The following PXDC1 variants were observed in gnomAD, a reference collection of about 807,000 sequenced individuals.
The protein encoded by PXDC1 is PX domain-containing protein 1.
A neutral mutation model predicts 24.4 loss-of-function variants in PXDC1; 13 were observed. That is an observed-to-expected ratio of 0.53 (90% CI 0.35 to 0.85). The LOEUF is 0.85. PXDC1 is among the 40% of genes least tolerant of loss of function. PXDC1 has a pLI of 0.01. For synonymous variants in PXDC1, 162 were observed against 124.9 expected (o/e 1.30, Z -1.98); for missense variants, 344 against 309.3 (o/e 1.11, Z -0.84).
At position 3,725,396 on chromosome 6, in the gene PXDC1, G is replaced by A. The variant is rs1042815955; in HGVS notation, c.579-1660C>T. ...CTCCCAGAAGCCAGGCAATCCCTTC[G>A]CCAGCTGAGACTGTCACCTGCAGAG... On this transcript the variant is annotated intron_variant, in intron 4 of 4. Transcript: ENST00000380283. This position sits in a 1 kb window ranked among gnomAD's most constrained non-coding sequence, Gnocchi z 4.8. 3.0e-4 allele frequency among the ~76,000 whole-genome samples: 45 copies of A among 152,312 alleles called. No homozygotes were observed. Among genetic ancestry groups the A allele is most frequent in the African/African-American group, 9.9e-4 (41 of 41,566 alleles).
chr6:3,750,799 C>CGCGGGGAGAACTCGGGGCG (rs1760690773), intron 1 of PXDC1, among the ~76,000 whole-genome samples: 1 of 152,164 alleles, frequency 6.6e-6, no homozygotes, highest in African/African-American at 2.4e-5. Context: ...GCGCGCCCTC[C>CGCGGGGAGAACTCGGGGCG]GCGGGGAGAA....
intron 1 of PXDC1, among the ~76,000 whole-genome samples, chr6:3,743,295 C>T (rs377513204): frequency 2.0e-5 from 3 of 152,274 alleles, no homozygotes; most frequent in South Asian, 2.1e-4. Flanking sequence ...ACTCAGAGGA[C>T]GCGGTTCCCA....
rs556211259 is a variant in PXDC1, at chr6:3,729,881, G to A, written c.467-2219C>T. Among the ~76,000 whole-genome samples, 275 of 152,260 alleles carry A rather than the reference G, an allele frequency of 1.8e-3. 3 individuals carry two copies. The highest frequency in any genetic ancestry group is 1.9e-4 in the Non-Finnish European group (13 of 68,024). ...ACAAGTTAAAACAAATGTCACTGCT[G>A]CAAATCACTTCTGAATAAAATTCTG... On this transcript the variant is annotated intron_variant, in intron 3 of 4. Coordinates refer to ENST00000380283, the MANE Select transcript of PXDC1 (RefSeq NM_183373.4).
intron 1 of PXDC1, among the ~76,000 whole-genome samples, chr6:3,739,598 C>T (rs945768321): frequency 3.3e-5 from 5 of 152,214 alleles, no homozygotes; most frequent in Non-Finnish European, 5.9e-5. Context: ...CGCCCAAGCA[C>T]GATGCCCTGG....
intron 1 of PXDC1, among the ~76,000 whole-genome samples, chr6:3,747,206 G>T (rs541299570): frequency 5.7e-4 from 87 of 152,046 alleles, no homozygotes; most frequent in African/African-American, 2.1e-3. Context: ...CTGCACCTCA[G>T]GCTGAAAACT....
chr6:3,733,450 C>T (rs1760246382), intron 3 of PXDC1, among the ~76,000 whole-genome samples: 1 of 152,166 alleles, frequency 6.6e-6, no homozygotes, highest in East Asian at 1.9e-4. Context: ...GGGTGTACCG[C>T]CTCGCCACCG....
intron 1 of PXDC1, among the ~76,000 whole-genome samples, chr6:3,744,757 G>A (rs1760527062): frequency 1.3e-5 from 2 of 152,358 alleles, no homozygotes; most frequent in South Asian, 2.1e-4. Flanking sequence ...GAGGGCAGTG[G>A]TGCAATCTCA....
chr6:3,737,880 T>A lies in PXDC1; in HGVS notation c.348+177A>T, dbSNP rs1760357484. ...CCCATGAAAGCCTTCTTTCTCCTGA[T>A]TACACCTGCACACCTCCACTCCGTC... On this transcript the variant is annotated intron_variant, in intron 2 of 4. Transcript: ENST00000380283. This position sits in a 1 kb window ranked among gnomAD's most constrained non-coding sequence, Gnocchi z 5.5. 4.1e-6 allele frequency: 1 copy of A among 243,684 alleles called. No individual in the cohort carries two copies. The highest frequency in any genetic ancestry group is 6.6e-6 in the Non-Finnish European group (1 of 151,842). 15.1% of individuals were successfully genotyped at this position (243,684 alleles called of 1,614,324 possible).
chr6:3,741,078 T>G (rs7746650), intron 1 of PXDC1, among the ~76,000 whole-genome samples: 128,164 of 152,270 alleles, frequency 0.84, 55,662 homozygotes, highest in Non-Finnish European at 0.97. Flanking sequence ...CAGCTGCCCT[T>G]GGGCAGCACC....
intron 3 of PXDC1, among the ~76,000 whole-genome samples, chr6:3,734,590 G>A (rs566790585): frequency 6.6e-6 from 1 of 152,112 alleles, no homozygotes; most frequent in Non-Finnish European, 1.5e-5. Flanking sequence ...AAAGGACCCA[G>A]TCATCCTCAC....
At position 3,723,678 on chromosome 6, in the gene PXDC1, A is replaced by G; in HGVS notation, c.637T>C (p.Tyr213His). ...TGGTAATATGACAGGTTGGTGACGT[A>G]GGCTGCTGGGTCGTCCCCGTCCTCC... ...ELEDGDDPAAYVTNLSYYHLV... is the reference protein window; with the variant it reads ...ELEDGDDPAAHVTNLSYYHLV... Residue 213 changes from tyrosine (Y) to histidine (H), a missense_variant, in exon 5 of 5, where the codon TAC (tyrosine) becomes CAC (histidine). Transcript: ENST00000380283. 1.2e-6 allele frequency: 2 copies of G among 1,614,222 alleles called. No homozygotes were observed. The highest frequency in any genetic ancestry group is 2.2e-5 in the East Asian group (1 of 44,884).
At chr6:3,745,260 C>A (rs1033181001) in intron 1 of PXDC1, among the ~76,000 whole-genome samples, 6 of 152,246 alleles carry the variant, frequency 3.9e-5, no homozygotes, top group Non-Finnish European at 7.3e-5. Context: ...AAGCGGCTCG[C>A]TGCTCTCAGG....
chr6:3,738,324 C>T (rs1043564097), intron 1 of PXDC1, among the ~76,000 whole-genome samples, 176 bp from the exon 2 acceptor site: 1 of 152,218 alleles, frequency 6.6e-6, no homozygotes. Context: ...TGCTCTAAGC[C>T]TCATTCCATG....
intron 1 of PXDC1, among the ~76,000 whole-genome samples, chr6:3,740,984 T>A (rs772008665): frequency 6.6e-6 from 1 of 152,268 alleles, no homozygotes; most frequent in African/African-American, 2.4e-5. Context: ...AGGGATGCGA[T>A]GTTCGCTGGC....
chr6:3,733,481 T>C (rs1019968301), intron 3 of PXDC1, among the ~76,000 whole-genome samples: 1 of 152,040 alleles, frequency 6.6e-6, no homozygotes, highest in African/African-American at 2.4e-5. Flanking sequence ...CTGCTCTAGA[T>C]TAAGAAGCTC....
chr6:3,740,023 A>G (rs1033801082), intron 1 of PXDC1, among the ~76,000 whole-genome samples: 4 of 152,316 alleles, frequency 2.6e-5, no homozygotes, highest in African/African-American at 9.6e-5. Flanking sequence ...TTATATTTCA[A>G]CTTTCATTAC....
chr6:3,751,276 C>A lies in PXDC1; in HGVS notation c.256G>T (p.Gly86Ter), dbSNP rs200612624. Reference sequence around the variant, plus strand: ...CCCTCCCGCGTCCCCGGCCCCGCACCTTGCCGCAGCGGCCCCTGCGCCAGT... The same window carrying A: ...CCCTCCCGCGTCCCCGGCCCCGCACATTGCCGCAGCGGCCCCTGCGCCAGT... ...SELAQGPLRQ[G>*]LVAIKEAHDI... The change falls in exon 1 of 5, where the codon GGA (glycine) becomes TGA (stop). Residue 86 changes from glycine (G) to a stop codon, truncating the protein, a stop_gained and splice_region_variant. Transcript: ENST00000380283. LOFTEE classifies it high-confidence loss of function. The A allele has an allele frequency of 1.3e-6, 2 of 1,514,088 alleles. No individual in the cohort carries two copies. Among genetic ancestry groups the A allele is most frequent in the Admixed American group, 4.1e-5 (2 of 48,780 alleles). 93.8% of individuals were successfully genotyped at this position (1,514,088 alleles called of 1,614,324 possible).
At chr6:3,746,394 C>T (rs570561349) in intron 1 of PXDC1, among the ~76,000 whole-genome samples, 4 of 152,150 alleles carry the variant, frequency 2.6e-5, no homozygotes, top group South Asian at 2.1e-4. Context: ...AAGAGGAGGC[C>T]GCGTGAAGGT....
rs569283945 is a variant in PXDC1, at chr6:3,723,301, G to A, written c.*318C>T. The stretch of plus-strand genomic sequence containing the variant: ...CCCAGGAAGCAGTAGCAGTGAGAGC[G>A]AGCCCCACAGGAACTGTCCCTGCCC... On this transcript the variant is annotated 3_prime_UTR_variant, in exon 5 of 5. Coordinates refer to ENST00000380283, the MANE Select transcript of PXDC1 (RefSeq NM_183373.4). 4.4e-5 allele frequency: 14 copies of A among 315,400 alleles called. No individual in the cohort carries two copies. In the East Asian group the frequency reaches 6.8e-4, roughly 15 times the overall value. The allele number at this position is 315,400 out of a possible 1,614,324, so 19.5% of individuals were successfully genotyped here. A position where few individuals can be genotyped will look rare whatever the true frequency, so the allele number is the denominator to read the frequency against.
Sources: allele counts gnomAD v4.1 joint callset (sites outside exome capture counted in the v4.1 genomes callset), GRCh38; gene constraint gnomAD v4.1.1; non-coding constraint Gnocchi (gnomAD v3.1); transcripts MANE v1.5; gene names NCBI Gene and HGNC (gene_info 2026-07-23, HGNC 2026-07-21).